CMC2: variants seen among roughly 807,000 people sequenced by gnomAD.
The protein encoded by CMC2 is C-X9-C motif containing 2.
In CMC2, 5 loss-of-function variants were observed where a neutral mutation model predicts 7.5. The ratio of observed to expected loss-of-function variants is 0.66; its 90% CI spans 0.35 to 1.40. CMC2 has a LOEUF of 1.40. CMC2 is among the 40% of genes most tolerant of loss of function. The pLI is 0.04. For synonymous variants in CMC2, 37 were observed against 31.4 expected (o/e 1.18, Z -0.60); for missense variants, 115 against 92.3 (o/e 1.25, Z -1.01).
chr16:80,988,584 T>C lies in CMC2; in HGVS notation c.82-6707A>G, dbSNP rs558516453. 96 of 675,666 alleles carry C rather than the reference T, an allele frequency of 1.4e-4. 2 individuals are homozygous for C. Among genetic ancestry groups the C allele is most frequent in the South Asian group, 1.4e-3 (92 of 65,724 alleles). The allele number at this position is 675,666 out of a possible 1,614,324, so 41.9% of individuals were successfully genotyped here. Reference sequence around the variant, plus strand: ...TTCTGAACCGAGTAAGTTGCAGATATGATGCACGTTTCCTAAAAAAAACAA... The same window carrying C: ...TTCTGAACCGAGTAAGTTGCAGATACGATGCACGTTTCCTAAAAAAAACAA... On this transcript the variant is annotated intron_variant, in intron 2 of 3. Coordinates refer to ENST00000219400, the MANE Select transcript of CMC2 (RefSeq NM_020188.5).
Position 80,988,669 on chromosome 16 carries a change from T to C in CMC2, c.82-6792A>G, listed in dbSNP as rs1194344785. ...ATTAGGAAATTAACATTAACACTAG[T>C]ATCTAATTTATAGACCTTATTCAAA... On this transcript the variant is annotated intron_variant, in intron 2 of 3. Coordinates refer to ENST00000219400, the MANE Select transcript of CMC2 (RefSeq NM_020188.5). The C allele has an allele frequency of 8.7e-6, 6 of 686,282 alleles. No individual in the cohort carries two copies. In the African/African-American group the frequency reaches 8.9e-5, roughly 10 times the overall value. 42.5% of individuals were successfully genotyped at this position (686,282 alleles called of 1,614,324 possible).
intron 2 of CMC2, chr16:80,991,950 A>T (rs550919815): frequency 5.1e-4 from 234 of 455,668 alleles, no homozygotes; most frequent in African/African-American, 4.3e-3. Flanking sequence ...TGTATCCTGG[A>T]CGGAATCCTG....
chr16:80,985,719 C>G (rs1967465048), intron 2 of CMC2, among the ~76,000 whole-genome samples: 1 of 151,952 alleles, frequency 6.6e-6, no homozygotes, highest in African/African-American at 2.4e-5. Context: ...AACAGAGTGA[C>G]TGCACCAGGA....
At chr16:80,989,875 C>G (rs72823287) in intron 2 of CMC2, among the ~76,000 whole-genome samples, 22,076 of 152,176 alleles carry the variant, frequency 0.15, 2,139 homozygotes, top group Middle Eastern at 0.22. Context: ...TTGGAATACA[C>G]AGAATACATA....
intron 3 of CMC2, among the ~76,000 whole-genome samples, chr16:80,976,582 C>T (rs572760765): frequency 7.9e-5 from 12 of 152,302 alleles, no homozygotes; most frequent in African/African-American, 2.6e-4. Context: ...TGGAGAGGCT[C>T]ACTTCCTTGA....
In CMC2 at chr16:80,969,690, C is replaced by G. The variant is rs990175871; in HGVS notation, c.*6403G>C. 1 of 152,292 alleles carries G rather than the reference C, an allele frequency of 6.6e-6. No homozygotes were observed. The highest frequency in any genetic ancestry group is 1.5e-5 in the Non-Finnish European group (1 of 68,188). The allele number at this position is 152,292 out of a possible 1,614,324, so 9.4% of individuals were successfully genotyped here. A position where few individuals can be genotyped will look rare whatever the true frequency, so the allele number is the denominator to read the frequency against. ...ATCACTTGAGGTCGGGAGTTCAAGA[C>G]CAGCCTGGGCAACATGGTGAAACCC... is the stretch of plus-strand genomic sequence containing the variant. On this transcript the variant is annotated 3_prime_UTR_variant, in exon 4 of 4. Coordinates refer to ENST00000219400, the MANE Select transcript of CMC2 (RefSeq NM_020188.5).
rs922812484 is a variant in CMC2 at position 80,970,833 on chromosome 16, A to G, written c.*5260T>C. 14 of 152,190 alleles carry G rather than the reference A, an allele frequency of 9.2e-5. No individual in the cohort carries two copies. The highest frequency in any genetic ancestry group is 5.9e-5 in the Non-Finnish European group (4 of 68,026). The allele number at this position is 152,190 out of a possible 1,614,324, so 9.4% of individuals were successfully genotyped here. On this transcript the variant is annotated 3_prime_UTR_variant, in exon 4 of 4. Transcript: ENST00000219400. ...CTCATGCCTATAATCCCTGCTTTAT[A>G]AAAAAATTTTAAGAGATATTAGAAT... is the stretch of plus-strand genomic sequence containing the variant.
At chr16:80,989,786 A>C (rs1247037704) in intron 2 of CMC2, among the ~76,000 whole-genome samples, 1 of 152,232 alleles carries the variant, frequency 6.6e-6, no homozygotes, top group Non-Finnish European at 1.5e-5. Flanking sequence ...GATACATCCT[A>C]GTCTTTCCAC....
Position 80,997,810 on chromosome 16 carries a change from T to G in CMC2, c.-35-381A>C, listed in dbSNP as rs572500230. 70 of 155,840 alleles carry G rather than the reference T, an allele frequency of 4.5e-4. No homozygotes were observed. The South Asian group carries it at 0.013, about 29-fold the overall frequency. 9.7% of individuals were successfully genotyped at this position (155,840 alleles called of 1,614,324 possible). A position where few individuals can be genotyped will look rare whatever the true frequency, so the allele number is the denominator to read the frequency against. On this transcript the variant is annotated intron_variant, in intron 1 of 3. Transcript: ENST00000219400. Reference sequence around the variant, plus strand: ...GATGAAATTCTACCAATTAAGAGAATTGGCTTATTATTTTAAAATGTATAT... The same window carrying G: ...GATGAAATTCTACCAATTAAGAGAAGTGGCTTATTATTTTAAAATGTATAT...
At chr16:81,005,610 C>A (rs1305003134) in intron 1 of CMC2, among the ~76,000 whole-genome samples, 1 of 126,368 alleles carries the variant, frequency 7.9e-6, no homozygotes, top group Non-Finnish European at 1.8e-5. Context: ...TAAACCGATA[C>A]CACTAAGAAA....
At chr16:80,989,014 T>C (rs921384226) in intron 2 of CMC2, among the ~76,000 whole-genome samples, 4 of 152,222 alleles carry the variant, frequency 2.6e-5, no homozygotes, top group Admixed American at 2.0e-4. Context: ...AGAAGTGATG[T>C]TGTGTCTTCA....
rs34839018 is a variant in CMC2 at position 80,971,564 on chromosome 16, TTATATATA to T, written c.*4521_*4528del. On this transcript the variant is annotated 3_prime_UTR_variant, in exon 4 of 4. Coordinates refer to ENST00000219400, the MANE Select transcript of CMC2 (RefSeq NM_020188.5). ...CTATGGATACTGACATACATACATT[TTATATATA>T]TATATATATATATGTATGAAATCAT... 5.8e-5 allele frequency: 7 copies of T among 121,244 alleles called. No homozygotes were observed. The highest frequency in any genetic ancestry group is 2.7e-4 in the African/African-American group (7 of 25,706). The allele number at this position is 121,244 out of a possible 1,614,324, so 7.5% of individuals were successfully genotyped here. A position where few individuals can be genotyped will look rare whatever the true frequency, so the allele number is the denominator to read the frequency against.
intron 2 of CMC2, among the ~76,000 whole-genome samples, chr16:80,994,941 T>A (rs754896092): frequency 6.6e-6 from 1 of 151,760 alleles, no homozygotes; most frequent in Non-Finnish European, 1.5e-5. Flanking sequence ...AGATCAGGAG[T>A]TCGAGACCAG....
Position 80,988,294 on chromosome 16 carries a change from G to A in CMC2, c.82-6417C>T, listed in dbSNP as rs140575704. Among the ~76,000 whole-genome samples the A allele has an allele frequency of 3.9e-3, 589 of 152,238 alleles. 5 individuals are homozygous for A. Among genetic ancestry groups the A allele is most frequent in the African/African-American group, 0.014 (572 of 41,540 alleles). On this transcript the variant is annotated intron_variant, in intron 2 of 3. Transcript: ENST00000219400. ...CTGTTGAGAGACATGGTCTCACTCCGTTGCCCAGGCTGAAGTGCCGGAGTG... is the reference window on the plus strand; with the variant it reads ...CTGTTGAGAGACATGGTCTCACTCCATTGCCCAGGCTGAAGTGCCGGAGTG...
At chr16:80,998,552 G>A (rs778294976) in intron 1 of CMC2, 1 of 152,156 alleles carries the variant, frequency 6.6e-6, no homozygotes, top group East Asian at 1.9e-4. Context: ...ATTAAATGCA[G>A]GGTTTTGAAG....
rs1356633190 is a variant in CMC2 at position 80,974,786 on chromosome 16, C to A, written c.*1307G>T. 1 of 152,210 alleles carries A rather than the reference C, an allele frequency of 6.6e-6. No individual in the cohort carries two copies. Among genetic ancestry groups the A allele is most frequent in the African/African-American group, 2.4e-5 (1 of 41,452 alleles). 9.4% of individuals were successfully genotyped at this position (152,210 alleles called of 1,614,324 possible). A position where few individuals can be genotyped will look rare whatever the true frequency, so the allele number is the denominator to read the frequency against. ...TTTCTACTGCCTGACACTAGGGGGA[C>A]TGAATAAATATTCATACACTTTGTC... On this transcript the variant is annotated 3_prime_UTR_variant, in exon 4 of 4. Coordinates refer to ENST00000219400, the MANE Select transcript of CMC2 (RefSeq NM_020188.5).
intron 3 of CMC2, chr16:80,980,914 C>G (rs1239115285): frequency 1.5e-6 from 1 of 687,640 alleles, no homozygotes; most frequent in Admixed American, 2.1e-5. Flanking sequence ...AAGAAACAAA[C>G]TATTACTCTT....
rs1968657614 is a variant in CMC2, at chr16:80,999,158, C to G, written c.-35-1729G>C. 2.6e-5 allele frequency among the ~76,000 whole-genome samples: 4 copies of G among 152,202 alleles called. No individual in the cohort carries two copies. In the South Asian group the frequency reaches 8.3e-4, roughly 31 times the overall value. ...AAAGAAGTCAAACTGTCTCTCTTCACTGACGATATGATTCTATACCCAGAA... is the reference window on the plus strand; with the variant it reads ...AAAGAAGTCAAACTGTCTCTCTTCAGTGACGATATGATTCTATACCCAGAA... On this transcript the variant is annotated intron_variant, in intron 1 of 3. Coordinates refer to ENST00000219400, the MANE Select transcript of CMC2 (RefSeq NM_020188.5).
chr16:81,003,775 A>C (rs904620982), intron 1 of CMC2, among the ~76,000 whole-genome samples: 1 of 91,158 alleles, frequency 1.1e-5, no homozygotes, highest in African/African-American at 2.9e-5. Flanking sequence ...TGAGTCTGTC[A>C]AGACACAAAA....
Sources: allele counts gnomAD v4.1 joint callset (sites outside exome capture counted in the v4.1 genomes callset), GRCh38; gene constraint gnomAD v4.1.1; transcripts MANE v1.5; gene names NCBI Gene and HGNC (gene_info 2026-07-23, HGNC 2026-07-21).